Variants in ZCCHC17 observed in about 807,000 individuals in gnomAD.
The protein encoded by ZCCHC17 is zinc finger CCHC domain-containing protein 17.
ZCCHC17 carries 18 observed loss-of-function variants against 30.6 expected under a neutral mutation model. The observed-to-expected ratio is 0.59, with a 90% confidence interval of 0.41 to 0.87. The LOEUF (loss-of-function observed/expected upper bound fraction) is 0.87, where lower values mean the gene tolerates loss of function less well. Ranked by LOEUF, ZCCHC17 falls within the 40% of genes least tolerant of loss-of-function variation. The pLI is 0.00. For synonymous variants in ZCCHC17, 88 were observed against 92.4 expected (o/e 0.95, Z 0.27); for missense variants, 263 against 284.2 (o/e 0.93, Z 0.54).
At chr1:31,351,991 A>G (rs991104764) in intron 7 of ZCCHC17, among the ~76,000 whole-genome samples, 11 of 152,196 alleles carry the variant, frequency 7.2e-5, no homozygotes, top group African/African-American at 2.7e-4. Context: ...TAGACTGCCT[A>G]CTTGACGTCT....
At chr1:31,338,334 G>A (rs757368943) in intron 4 of ZCCHC17, among the ~76,000 whole-genome samples, 6 of 151,898 alleles carry the variant, frequency 4.0e-5, no homozygotes, top group Non-Finnish European at 7.4e-5. Context: ...TGCTATATTG[G>A]GTTCAAACAC....
intron 3 of ZCCHC17, among the ~76,000 whole-genome samples, chr1:31,327,049 T>TTCAAACCTAAGCTA (rs1638383943): frequency 6.6e-6 from 1 of 152,224 alleles, no homozygotes; most frequent in Non-Finnish European, 1.5e-5. Context: ...CTTCCTACTA[T>TTCAAACCTAAGCTA]TCAAACCTAA....
Position 31,300,152 on chromosome 1 carries a change from C to G in ZCCHC17, c.-56+3077C>G, listed in dbSNP as rs539401583. Among the ~76,000 whole-genome samples, 4 of 152,300 alleles carry G rather than the reference C, an allele frequency of 2.6e-5. No individual in the cohort carries two copies. The South Asian group carries it at 8.3e-4, about 32-fold the overall frequency. On this transcript the variant is annotated intron_variant, in intron 1 of 7. Coordinates refer to ENST00000344147, the MANE Select transcript of ZCCHC17 (RefSeq NM_016505.4). The stretch of plus-strand genomic sequence containing the variant: ...ATGGCTCACTGTAGCCTCGACCTCC[C>G]AGGCTCCAGTGATCCTCCCACCTCA...
intron 7 of ZCCHC17, among the ~76,000 whole-genome samples, chr1:31,355,774 C>G (rs1041151571): frequency 1.3e-5 from 2 of 152,184 alleles, no homozygotes; most frequent in Admixed American, 1.3e-4. Context: ...CGTTAGCCAT[C>G]ATGTGATGTT....
intron 7 of ZCCHC17, among the ~76,000 whole-genome samples, chr1:31,356,112 T>C (rs1283607155): frequency 2.0e-5 from 3 of 152,230 alleles, no homozygotes; most frequent in Admixed American, 2.0e-4. Flanking sequence ...GTTCAGTTAA[T>C]GCATTTCTAA....
intron 3 of ZCCHC17, among the ~76,000 whole-genome samples, chr1:31,327,973 AC>A (rs1369388956): frequency 1.3e-5 from 2 of 152,138 alleles, no homozygotes. Flanking sequence ...GAACATATGT[AC>A]CCCCGGAATC....
chr1:31,360,320 C>T (rs1639828524), intron 7 of ZCCHC17, among the ~76,000 whole-genome samples: 2 of 152,232 alleles, frequency 1.3e-5, no homozygotes, highest in Non-Finnish European at 2.9e-5. Context: ...CAGGCATGTG[C>T]CACCACGCCC....
At chr1:31,328,230 A>G (rs1422714893) in intron 3 of ZCCHC17, among the ~76,000 whole-genome samples, 2 of 152,172 alleles carry the variant, frequency 1.3e-5, no homozygotes, top group Non-Finnish European at 2.9e-5. Context: ...ATTAAGCTTC[A>G]CAGCCAGGCA....
intron 7 of ZCCHC17, 40 bp from the exon 8 acceptor site, chr1:31,363,992 T>C: frequency 6.3e-7 from 1 of 1,599,020 alleles, no homozygotes; most frequent in Non-Finnish European, 8.5e-7. Context: ...TAAAAGCAAA[T>C]ATACACATAC....
chr1:31,355,178 TAAAAAAAAAA>T (rs59792081), intron 7 of ZCCHC17, among the ~76,000 whole-genome samples: 1 of 137,724 alleles, frequency 7.3e-6, no homozygotes, highest in Non-Finnish European at 1.5e-5. Context: ...CCATCTCAAT[TAAAAAAAAAA>T]AAAAAAAAAA....
intron 1 of ZCCHC17, among the ~76,000 whole-genome samples, chr1:31,302,232 A>G (rs10914348): frequency 0.054 from 8,281 of 152,212 alleles, 455 homozygotes; most frequent in South Asian, 0.21. Context: ...CATCTTAAAA[A>G]AAAAGAAAAA....
chr1:31,340,395 G>T (rs905559920), intron 5 of ZCCHC17, among the ~76,000 whole-genome samples: 1 of 133,780 alleles, frequency 7.5e-6, no homozygotes, highest in East Asian at 2.4e-4. Context: ...TCGGCTCACC[G>T]CAACCTCCGC....
At chr1:31,360,103 C>G (rs936463304) in intron 7 of ZCCHC17, among the ~76,000 whole-genome samples, 1 of 152,180 alleles carries the variant, frequency 6.6e-6, no homozygotes, top group African/African-American at 2.4e-5. Context: ...CCTCAGCCTC[C>G]CGAGTAGCTG....
At chr1:31,304,685 T>C (rs1646407265) in intron 1 of ZCCHC17, among the ~76,000 whole-genome samples, 1 of 151,834 alleles carries the variant, frequency 6.6e-6, no homozygotes, top group Non-Finnish European at 1.5e-5. Flanking sequence ...AAGCTCCACC[T>C]CCCAGGTTCA....
At chr1:31,334,337 CTGTGTGTGTGTGTGTG>C (rs59851204) in intron 3 of ZCCHC17, among the ~76,000 whole-genome samples, 3,820 of 85,568 alleles carry the variant, frequency 0.045, 367 homozygotes, top group African/African-American at 0.18. Context: ...CTCTCTCTCT[CTGTGTGTGTGTGTGTG>C]TGTGTGTGTG....
intron 5 of ZCCHC17, among the ~76,000 whole-genome samples, chr1:31,346,166 G>C (rs558971795): frequency 6.6e-6 from 1 of 152,170 alleles, no homozygotes; most frequent in Admixed American, 6.5e-5. Context: ...ATTTCAGAGA[G>C]GGGGAGAACT....
intron 7 of ZCCHC17, among the ~76,000 whole-genome samples, chr1:31,350,372 C>A (rs1160869091): frequency 6.6e-6 from 1 of 151,782 alleles, no homozygotes; most frequent in African/African-American, 2.4e-5. Context: ...AGGAAAAGTT[C>A]TCTATACCAT....
chr1:31,312,194 T>C (rs1454228829), intron 2 of ZCCHC17, among the ~76,000 whole-genome samples: 2 of 152,202 alleles, frequency 1.3e-5, no homozygotes, highest in Non-Finnish European at 2.9e-5. Context: ...TCATCTTGTA[T>C]TCATCCTTTA....
chr1:31,364,043 A>C lies in ZCCHC17; in HGVS notation c.576A>C (p.Lys192Asn). 4.4e-6 allele frequency: 7 copies of C among 1,607,326 alleles called. No homozygotes were observed. Among genetic ancestry groups the C allele is most frequent in the Non-Finnish European group, 5.9e-6 (7 of 1,178,298 alleles). The change falls in exon 8 of 8, where the codon AAA (lysine) becomes AAC (asparagine). Residue 192 changes from lysine (K) to asparagine (N), a missense_variant. Coordinates refer to ENST00000344147, the MANE Select transcript of ZCCHC17 (RefSeq NM_016505.4). ...PSRKRKKEKK[K>N]KKHRDRKSSD... The stretch of plus-strand genomic sequence containing the variant: ...AATTTTCTTTTCAGGAGAAGAAGAA[A>C]AAGAAACATAGAGATAGGAAGTCAT...
Sources: gnomAD v4.1 joint callset for allele counts (sites outside exome capture counted in the v4.1 genomes callset) on GRCh38, gnomAD v4.1.1 for gene constraint, MANE v1.5 for transcripts, NCBI Gene and HGNC (gene_info 2026-07-23, HGNC 2026-07-21) for gene names.